The following FCHSD2 variants were observed in gnomAD, a reference collection of about 807,000 sequenced individuals.
FCHSD2 encodes FCH and double SH3 domains 2.
Under a neutral mutation model 108.1 loss-of-function variants are expected in FCHSD2, and 38 were observed. The observed-to-expected ratio is 0.35, with a 90% CI of 0.27 to 0.46. The LOEUF (loss-of-function observed/expected upper bound fraction) is 0.46. Among genes scored for constraint, FCHSD2 ranks in the 20% least tolerant of loss-of-function variants. FCHSD2 has a pLI of 1.00. For synonymous variants in FCHSD2, 279 were observed against 314.7 expected, an observed-to-expected ratio of 0.89 and a Z score of 1.20; for missense variants, 751 against 897.8, an observed-to-expected ratio of 0.84 and a Z score of 2.09.
At position 72,933,149 on chromosome 11, in the gene FCHSD2, C is replaced by T. The variant is rs139096262; in HGVS notation, c.706-11199G>A. On this transcript the variant is annotated intron_variant, in intron 8 of 19. Coordinates refer to ENST00000409418, the MANE Select transcript of FCHSD2 (RefSeq NM_014824.3). ...CTCAGGGGTAAACTTGCAGGGTAGGCAGATATGCAAGACAGAACCTCAAAC... is the reference window on the plus strand; with the variant it reads ...CTCAGGGGTAAACTTGCAGGGTAGGTAGATATGCAAGACAGAACCTCAAAC... Among the ~76,000 whole-genome samples, 599 of 152,200 alleles carry T rather than the reference C, an allele frequency of 3.9e-3. 8 individuals are homozygous for T. Among genetic ancestry groups the T allele is most frequent in the African/African-American group, 0.014 (575 of 41,518 alleles).
chr11:72,902,661 T>C (rs1416954369), intron 9 of FCHSD2, 23 bp from the exon 10 acceptor site: 2 of 1,450,578 alleles, frequency 1.4e-6, no homozygotes, highest in Non-Finnish European at 1.9e-6. Context: ...TAAAATATCT[T>C]TAGGTCTTTA....
At chr11:73,031,415 G>C (rs59925945) in intron 3 of FCHSD2, among the ~76,000 whole-genome samples, 2,585 of 152,012 alleles carry the variant, frequency 0.017, 35 homozygotes, top group African/African-American at 0.042. Context: ...GGTGGAGGCT[G>C]CATTGAGTTG....
chr11:72,934,664 T>A (rs1856264970), intron 8 of FCHSD2, among the ~76,000 whole-genome samples: 1 of 152,182 alleles, frequency 6.6e-6, no homozygotes, highest in Non-Finnish European at 1.5e-5. Context: ...TAGAATTCAC[T>A]TATAAATGCT....
chr11:72,988,491 AAC>A (rs1440104758), intron 6 of FCHSD2, among the ~76,000 whole-genome samples: 2 of 152,202 alleles, frequency 1.3e-5, no homozygotes, highest in Admixed American at 1.3e-4. Flanking sequence ...AAAAGAAAAA[AAC>A]AGTGCCTGGG....
At chr11:72,842,989 C>A in intron 16 of FCHSD2, 148 bp from the exon 17 acceptor site, 1 of 865,922 alleles carries the variant, frequency 1.2e-6, no homozygotes, top group Non-Finnish European at 1.8e-6. Flanking sequence ...GAATGATTAA[C>A]TTTAGGGTTC....
At chr11:72,881,635 C>G (rs189315874) in intron 12 of FCHSD2, among the ~76,000 whole-genome samples, 74 of 152,254 alleles carry the variant, frequency 4.9e-4, no homozygotes, top group African/African-American at 1.8e-3. Context: ...TGGAATCAAC[C>G]TAAGTGTCCA....
chr11:73,088,768 A>G (rs938107230), intron 2 of FCHSD2, among the ~76,000 whole-genome samples: 19 of 152,276 alleles, frequency 1.2e-4, no homozygotes, highest in Non-Finnish European at 1.3e-4. Flanking sequence ...ACTAAAATGA[A>G]CTAGTTCACA....
chr11:73,010,295 G>A (rs1179654380), intron 4 of FCHSD2, among the ~76,000 whole-genome samples: 1 of 151,940 alleles, frequency 6.6e-6, no homozygotes, highest in African/African-American at 2.4e-5. Flanking sequence ...TTCATATCCT[G>A]AATTGTTTTT....
At chr11:72,864,890 C>G (rs1854689014) in intron 13 of FCHSD2, among the ~76,000 whole-genome samples, 1 of 152,172 alleles carries the variant, frequency 6.6e-6, no homozygotes, top group Non-Finnish European at 1.5e-5. Flanking sequence ...ATGCAGGCTC[C>G]AGACACCTGC....
At chr11:72,946,586 G>A (rs1197248973) in intron 8 of FCHSD2, among the ~76,000 whole-genome samples, 1 of 152,038 alleles carries the variant, frequency 6.6e-6, no homozygotes, top group Non-Finnish European at 1.5e-5. Context: ...TAATTACAAT[G>A]CTCAAAATGT....
intron 3 of FCHSD2, among the ~76,000 whole-genome samples, chr11:73,020,296 T>G (rs1201671058): frequency 6.6e-6 from 1 of 152,234 alleles, no homozygotes; most frequent in Non-Finnish European, 1.5e-5. Context: ...TACAGCAAGC[T>G]GAGTAGAAGG....
intron 3 of FCHSD2, among the ~76,000 whole-genome samples, chr11:73,027,486 G>A (rs1007561189): frequency 2.0e-5 from 3 of 152,164 alleles, no homozygotes; most frequent in African/African-American, 4.8e-5. Flanking sequence ...CAGTCATAAA[G>A]AGATGGTCTA....
intron 8 of FCHSD2, among the ~76,000 whole-genome samples, chr11:72,924,604 T>G (rs1053497718): frequency 1.3e-5 from 2 of 151,804 alleles, no homozygotes; most frequent in African/African-American, 4.8e-5. Flanking sequence ...TTTTGTTGCT[T>G]CTGTGTTGGT....
intron 4 of FCHSD2, among the ~76,000 whole-genome samples, chr11:73,001,484 ATTAAG>A (rs1044101693): frequency 1.3e-5 from 2 of 152,188 alleles, no homozygotes; most frequent in African/African-American, 4.8e-5. Flanking sequence ...TTATTACTTC[ATTAAG>A]TTATTTTCCT....
chr11:72,976,973 T>G (rs909716961), intron 8 of FCHSD2, among the ~76,000 whole-genome samples: 2 of 151,920 alleles, frequency 1.3e-5, no homozygotes, highest in African/African-American at 4.8e-5. Flanking sequence ...TTGCCCAGGC[T>G]GGAGTGCAGT....
At chr11:72,905,380 GGGGTATCCACCACCTCAAGCAT>G (rs1360479083) in intron 9 of FCHSD2, among the ~76,000 whole-genome samples, 8 of 152,070 alleles carry the variant, frequency 5.3e-5, no homozygotes, top group Non-Finnish European at 1.5e-5. Flanking sequence ...CAAGGTAAAT[GGGGTATCCACCACCTCAAGCAT>G]TTATCCTTAC....
chr11:73,109,611 A>C (rs1203432509), intron 2 of FCHSD2, among the ~76,000 whole-genome samples: 1 of 152,092 alleles, frequency 6.6e-6, no homozygotes, highest in Non-Finnish European at 1.5e-5. Context: ...TGGGGTCTTT[A>C]TGTTTCCCCA....
chr11:72,981,996 C>T (rs148947133), intron 8 of FCHSD2, among the ~76,000 whole-genome samples: 11 of 152,274 alleles, frequency 7.2e-5, no homozygotes, highest in African/African-American at 2.6e-4. Context: ...ACTATATATA[C>T]TAAAACACCT....
At chr11:72,907,188 C>A (rs1039192738) in intron 9 of FCHSD2, among the ~76,000 whole-genome samples, 2 of 152,098 alleles carry the variant, frequency 1.3e-5, no homozygotes, top group Non-Finnish European at 2.9e-5. Context: ...AATTTTGTAT[C>A]CTGAGACTTT....
Sources: allele counts gnomAD v4.1 joint callset (sites outside exome capture counted in the v4.1 genomes callset), GRCh38; gene constraint gnomAD v4.1.1; transcripts MANE v1.5; gene names NCBI Gene and HGNC (gene_info 2026-07-23, HGNC 2026-07-21).